Variants in CNTNAP2 observed in about 807,000 individuals in gnomAD.
CNTNAP2 encodes contactin-associated protein-like 2.
In CNTNAP2, 98 loss-of-function variants were observed where a neutral mutation model predicts 155.2. The observed-to-expected ratio is 0.63, with a 90% CI of 0.54 to 0.75. The LOEUF is 0.75. Ranked by LOEUF, CNTNAP2 falls within the 30% of genes least tolerant of loss-of-function variation. The probability of loss-of-function intolerance (pLI) is 0.00; values close to 1 mark genes in which losing one functional copy is unlikely to be tolerated. For missense variants in CNTNAP2, 1,727 were observed against 1,688.1 expected (o/e 1.02, Z -0.40); for synonymous variants, 651 against 631.2 (o/e 1.03, Z -0.47).
intron 2 of CNTNAP2, among the ~76,000 whole-genome samples, chr7:146,776,316 G>A (rs1454476465): frequency 2.0e-5 from 3 of 152,174 alleles, no homozygotes; most frequent in Non-Finnish European, 4.4e-5. Flanking sequence ...AAAGTTTTGA[G>A]TGAAAATACG....
chr7:148,109,752 T>TTAC (rs1804306150), intron 15 of CNTNAP2, among the ~76,000 whole-genome samples: 1 of 152,200 alleles, frequency 6.6e-6, no homozygotes. Flanking sequence ...TTTCCAGAGC[T>TTAC]TACATACCTT....
At chr7:147,974,783 G>A (rs1801398021) in intron 14 of CNTNAP2, among the ~76,000 whole-genome samples, 1 of 152,028 alleles carries the variant, frequency 6.6e-6, no homozygotes, top group Admixed American at 6.6e-5. Context: ...TTAAACATGT[G>A]TACTTTATGA....
At chr7:146,763,449 G>A (rs1289473636) in intron 1 of CNTNAP2, among the ~76,000 whole-genome samples, 6 of 151,974 alleles carry the variant, frequency 3.9e-5, no homozygotes, top group Non-Finnish European at 5.9e-5. Flanking sequence ...CTGAAATACT[G>A]TGTATTTTTT....
At chr7:146,121,654 A>G (rs1371844141) in intron 1 of CNTNAP2, among the ~76,000 whole-genome samples, 3 of 152,190 alleles carry the variant, frequency 2.0e-5, no homozygotes, top group Non-Finnish European at 4.4e-5. Context: ...TTTAAGCCTC[A>G]AAACCAGTGT....
At chr7:147,900,068 T>C (rs1239934443) in intron 13 of CNTNAP2, among the ~76,000 whole-genome samples, 1 of 152,102 alleles carries the variant, frequency 6.6e-6, no homozygotes, top group Non-Finnish European at 1.5e-5. Context: ...AAAAGAAAAC[T>C]CTTAGTTCCC....
chr7:148,414,171 G>A (rs936380917), intron 23 of CNTNAP2, among the ~76,000 whole-genome samples: 10 of 142,128 alleles, frequency 7.0e-5, no homozygotes, highest in African/African-American at 2.6e-4. Flanking sequence ...CCGCCTCCCA[G>A]GTTCAAGCGA....
intron 3 of CNTNAP2, among the ~76,000 whole-genome samples, chr7:146,966,421 G>T (rs1797658205): frequency 6.6e-6 from 1 of 152,200 alleles, no homozygotes; most frequent in Non-Finnish European, 1.5e-5. Flanking sequence ...GTGCCCAAGA[G>T]CTCAGGCTGT....
At chr7:147,884,261 T>C (rs1224289866) in intron 13 of CNTNAP2, among the ~76,000 whole-genome samples, 1 of 152,068 alleles carries the variant, frequency 6.6e-6, no homozygotes, top group Non-Finnish European at 1.5e-5. Context: ...CAGTGATAAA[T>C]AAGGAATTCA....
At chr7:147,938,202 T>C (rs907200766) in intron 14 of CNTNAP2, among the ~76,000 whole-genome samples, 1 of 152,226 alleles carries the variant, frequency 6.6e-6, no homozygotes, top group African/African-American at 2.4e-5. Context: ...ATAGAAGTCC[T>C]TTTCTAAAAT....
chr7:147,501,474 G>A (rs944569787), intron 11 of CNTNAP2, among the ~76,000 whole-genome samples: 9 of 152,170 alleles, frequency 5.9e-5, no homozygotes, highest in African/African-American at 2.2e-4. Flanking sequence ...CTCTTATAGA[G>A]AGATGTCCCT....
chr7:146,949,030 G>T (rs1797251304), intron 3 of CNTNAP2, among the ~76,000 whole-genome samples: 1 of 152,112 alleles, frequency 6.6e-6, no homozygotes. Context: ...CAAGTTTTAT[G>T]AAAATACCTG....
At chr7:148,164,145 G>C (rs778849448) in intron 17 of CNTNAP2, among the ~76,000 whole-genome samples, 1 of 152,146 alleles carries the variant, frequency 6.6e-6, no homozygotes. Flanking sequence ...ATGTTGGCCA[G>C]GCTGGTCTCG....
intron 8 of CNTNAP2, among the ~76,000 whole-genome samples, chr7:147,283,490 A>G (rs1406658860): frequency 6.6e-6 from 1 of 151,914 alleles, no homozygotes; most frequent in Non-Finnish European, 1.5e-5. Flanking sequence ...CAAAAACAAT[A>G]TAATTGTGCT....
intron 6 of CNTNAP2, among the ~76,000 whole-genome samples, chr7:147,126,489 T>G (rs1019265618): frequency 1.3e-5 from 2 of 152,174 alleles, no homozygotes; most frequent in Admixed American, 6.5e-5. Context: ...TTATTAATAT[T>G]TGAGACGGAC....
At chr7:147,882,299 A>T (rs1005175193) in intron 13 of CNTNAP2, among the ~76,000 whole-genome samples, 1 of 152,174 alleles carries the variant, frequency 6.6e-6, no homozygotes, top group Non-Finnish European at 1.5e-5. Context: ...CCTGGCTCCA[A>T]TTTCAGTGAT....
rs544779548 is a variant in CNTNAP2 at position 147,684,003 on chromosome 7, C to T, written c.2098+44697C>T. 1.1e-4 allele frequency among the ~76,000 whole-genome samples: 16 copies of T among 151,656 alleles called. 1 individual carries two copies. Among genetic ancestry groups the T allele is most frequent in the Admixed American group, 2.0e-4 (3 of 15,202 alleles). ...AATGGAGGATAAGAAGAGATGATGC[C>T]GGTTTGAAATTCCTGACAAAAACTT... On this transcript the variant is annotated intron_variant, in intron 13 of 23. Transcript: ENST00000361727.
intron 1 of CNTNAP2, among the ~76,000 whole-genome samples, chr7:146,478,701 C>A (rs1463789766): frequency 1.3e-5 from 2 of 151,924 alleles, no homozygotes; most frequent in Non-Finnish European, 2.9e-5. Context: ...CACACATGCA[C>A]ACACACAGGA....
intron 8 of CNTNAP2, among the ~76,000 whole-genome samples, chr7:147,201,080 C>T (rs1802913065): frequency 6.6e-6 from 1 of 152,142 alleles, no homozygotes; most frequent in South Asian, 2.1e-4. Flanking sequence ...GAGGCTAAAG[C>T]CTAATTCTAA....
intron 21 of CNTNAP2, among the ~76,000 whole-genome samples, chr7:148,335,297 C>G (rs758829415): frequency 2.2e-4 from 34 of 152,260 alleles, no homozygotes; most frequent in Non-Finnish European, 1.6e-4. Context: ...TCCAGGCCTG[C>G]CATGCCTTTG....
Sources: allele counts gnomAD v4.1 joint callset (sites outside exome capture counted in the v4.1 genomes callset), GRCh38; gene constraint gnomAD v4.1.1; transcripts MANE v1.5; gene names NCBI Gene and HGNC (gene_info 2026-07-23, HGNC 2026-07-21).